The following PRDM2 variants were observed in gnomAD, a reference collection of about 807,000 sequenced individuals.
PRDM2 encodes PR/SET domain 2.
A neutral mutation model predicts 130.0 loss-of-function variants in PRDM2; 30 were observed. The observed-to-expected ratio is 0.23, with a 90% CI of 0.17 to 0.31. PRDM2 has a LOEUF of 0.31. PRDM2 is among the 10% of genes least tolerant of loss of function. The pLI is 1.00. For missense variants in PRDM2, 2,011 were observed against 2,108.4 expected (o/e 0.95, Z 0.90); for synonymous variants, 871 against 782.4 (o/e 1.11, Z -1.89).
At chr1:13,722,499 C>G (rs1192524899) in intron 2 of PRDM2, among the ~76,000 whole-genome samples, 2 of 152,030 alleles carry the variant, frequency 1.3e-5, no homozygotes, top group East Asian at 3.9e-4. Context: ...GTGATTTCTT[C>G]CAATAGAATT....
chr1:13,824,356 T>C lies in PRDM2; in HGVS notation c.*1221T>C, dbSNP rs1195543597. 6.6e-6 allele frequency: 1 copy of C among 152,562 alleles called. No homozygotes were observed. Among genetic ancestry groups the C allele is most frequent in the Non-Finnish European group, 1.5e-5 (1 of 68,020 alleles). The allele number at this position is 152,562 out of a possible 1,614,324, so 9.5% of individuals were successfully genotyped here. On this transcript the variant is annotated 3_prime_UTR_variant, in exon 10 of 10. Coordinates refer to ENST00000311066, the MANE Select transcript of PRDM2 (RefSeq NM_001393986.1). ...ATAAAGGGATTTTTTTTTTCAGGGC[T>C]ACTACGGTTGATCTTGCAACTCTGT...
At chr1:13,767,940 C>T (rs887725078) in intron 6 of PRDM2, among the ~76,000 whole-genome samples, 1 of 152,102 alleles carries the variant, frequency 6.6e-6, no homozygotes, top group Non-Finnish European at 1.5e-5. Context: ...CATGCCATCG[C>T]ACTCTAGCCT....
Position 13,780,646 on chromosome 1 carries a change from C to G in PRDM2, c.2851C>G (p.Leu951Val). 1 of 1,613,354 alleles carries G rather than the reference C, an allele frequency of 6.2e-7. No homozygotes were observed. The change falls in exon 8 of 10, where the codon CTG (leucine) becomes GTG (valine). Residue 951 changes from leucine to valine, a missense_variant. Physicochemically the swap from Leu to Val is conservative, Grantham distance 32 (BLOSUM62 1). This residue lies in a region of PRDM2 where 1,288 missense variants were observed against 1,237.7 expected (regional missense o/e 1.04). Coordinates refer to ENST00000311066, the MANE Select transcript of PRDM2 (RefSeq NM_001393986.1). Reference protein sequence around the residue: ...TPDVCPSSPALQTPSLSSGQL... With the variant: ...TPDVCPSSPAVQTPSLSSGQL... The stretch of plus-strand genomic sequence containing the variant: ...TGATGTTTGTCCTTCATCACCTGCC[C>G]TGCAGACACCCTCCCTTTCATCCGG...
intron 8 of PRDM2, chr1:13,786,742 G>T (rs992573521): frequency 2.1e-6 from 3 of 1,402,468 alleles, no homozygotes; most frequent in Non-Finnish European, 1.9e-6. Context: ...GGGCGCCCGG[G>T]TGATTGAGAT....
intron 6 of PRDM2, among the ~76,000 whole-genome samples, chr1:13,763,739 A>AT (rs746567374): frequency 6.6e-6 from 1 of 152,082 alleles, no homozygotes; most frequent in African/African-American, 2.4e-5. Flanking sequence ...TCATGTATTC[A>AT]TTTTTTTGTG....
intron 7 of PRDM2, among the ~76,000 whole-genome samples, chr1:13,777,641 C>G (rs1170959594): frequency 1.5e-5 from 1 of 65,748 alleles, no homozygotes; most frequent in South Asian, 1.2e-3. Flanking sequence ...TCCCACCCCC[C>G]CCCCCAATAT....
chr1:13,798,291 T>C (rs1570078410), intron 8 of PRDM2, among the ~76,000 whole-genome samples: 3 of 152,310 alleles, frequency 2.0e-5, no homozygotes, highest in Non-Finnish European at 4.4e-5. Flanking sequence ...TGGTTTAAAA[T>C]GTGAATGTTG....
intron 8 of PRDM2, among the ~76,000 whole-genome samples, chr1:13,808,389 G>A (rs189903400): frequency 1.3e-5 from 2 of 151,566 alleles, no homozygotes; most frequent in Non-Finnish European, 2.9e-5. Flanking sequence ...GCGTGAACAC[G>A]GGAGGTGGAG....
At chr1:13,790,277 C>T (rs776081466) in intron 8 of PRDM2, among the ~76,000 whole-genome samples, 3 of 152,186 alleles carry the variant, frequency 2.0e-5, no homozygotes, top group South Asian at 2.1e-4. Context: ...CTTTAGGCCT[C>T]GCAGTGCTGC....
chr1:13,806,268 C>T lies in PRDM2; in HGVS notation c.5037-10159C>T, dbSNP rs1012760072. On this transcript the variant is annotated intron_variant, in intron 8 of 9. Transcript: ENST00000311066. This position sits in a 1 kb window ranked among gnomAD's most constrained non-coding sequence, Gnocchi z 4.1. The stretch of plus-strand genomic sequence containing the variant: ...CATCCCTGGGCTCTGTCCCCCGCAT[C>T]CCGCCTCCATCCCTGGGCTCTGTCC... Among the ~76,000 whole-genome samples the T allele has an allele frequency of 6.6e-6, 1 of 152,076 alleles. No individual in the cohort carries two copies. Among genetic ancestry groups the T allele is most frequent in the Admixed American group, 6.5e-5 (1 of 15,278 alleles).
At chr1:13,703,581 T>A (rs1642127504) in intron 1 of PRDM2, among the ~76,000 whole-genome samples, 1 of 152,244 alleles carries the variant, frequency 6.6e-6, no homozygotes. Context: ...TGCTTCGGCA[T>A]CAGTTTTGTG....
Position 13,814,282 on chromosome 1 carries a change from T to C in PRDM2, c.5037-2145T>C, listed in dbSNP as rs547828800. ...GAAGCATGGGTCCTCCGTTTCCTCC[T>C]TAACTCTTGCACAGGCGAGTAGACT... is the stretch of plus-strand genomic sequence containing the variant. On this transcript the variant is annotated intron_variant, in intron 8 of 9. Coordinates refer to ENST00000311066, the MANE Select transcript of PRDM2 (RefSeq NM_001393986.1). Among the ~76,000 whole-genome samples, 27 of 152,302 alleles carry C rather than the reference T, an allele frequency of 1.8e-4. No individual in the cohort carries two copies. In the South Asian group the frequency reaches 5.2e-3, roughly 29 times the overall value.
chr1:13,769,611 A>G (rs996775073), intron 6 of PRDM2, among the ~76,000 whole-genome samples: 2 of 152,222 alleles, frequency 1.3e-5, no homozygotes, highest in African/African-American at 2.4e-5. Context: ...GAAGATTGAG[A>G]ACATTGTTCC....
At chr1:13,762,761 C>T (rs888060700) in intron 6 of PRDM2, among the ~76,000 whole-genome samples, 3 of 152,232 alleles carry the variant, frequency 2.0e-5, no homozygotes, top group Non-Finnish European at 4.4e-5. Flanking sequence ...GTCCACAGCG[C>T]GCGCTCCTCA....
chr1:13,748,146 T>TGC (rs1643671618), intron 5 of PRDM2, among the ~76,000 whole-genome samples: 1 of 152,264 alleles, frequency 6.6e-6, no homozygotes, highest in Non-Finnish European at 1.5e-5. Flanking sequence ...CTGTTTTCTG[T>TGC]GCATCGTATC....
Position 13,720,646 on chromosome 1 carries a change from C to T in PRDM2, c.9+5032C>T, listed in dbSNP as rs1314572710. Among the ~76,000 whole-genome samples, 8 of 152,158 alleles carry T rather than the reference C, an allele frequency of 5.3e-5. No individual in the cohort carries two copies. The South Asian group carries it at 6.2e-4, about 12-fold the overall frequency. On this transcript the variant is annotated intron_variant, in intron 2 of 9. Transcript: ENST00000311066. ...ATAATAATAAAAAATAGTAACTTAC[C>T]GTGTTTCATATATGTCAGGCACTAG...
Position 13,736,233 on chromosome 1 carries a change from C to A in PRDM2, c.231+3351C>A, listed in dbSNP as rs565521866. On this transcript the variant is annotated intron_variant, in intron 4 of 9. Coordinates refer to ENST00000311066, the MANE Select transcript of PRDM2 (RefSeq NM_001393986.1). ...AAGTGATCTTCCTGCCTCAGCCTCC[C>A]GAGTAGCTGGGACAGGCCTGTGCCA... Among the ~76,000 whole-genome samples the A allele has an allele frequency of 9.9e-4, 150 of 151,954 alleles. 1 individual carries two copies. Among genetic ancestry groups the A allele is most frequent in the African/African-American group, 3.5e-3 (147 of 41,416 alleles).
rs1481721904 is a variant in PRDM2 at position 13,782,749 on chromosome 1, A to C, written c.4954A>C (p.Ser1652Arg). The C allele has an allele frequency of 6.2e-7, 1 of 1,613,012 alleles. No individual in the cohort carries two copies. The highest frequency in any genetic ancestry group is 8.5e-7 in the Non-Finnish European group (1 of 1,179,632). ...GCGGAGTGGGGGGCCAGTCACCCGG[A>C]GCCTTCAGCTGGCAGCTGCTGCTGA... ...RERSGGPVTR[S>R]LQLAAAADLS... The change falls in exon 8 of 10, where the codon AGC becomes CGC. Residue 1652 changes from serine to arginine, a missense_variant. Ser to Arg is a moderately radical substitution (Grantham distance 110). Around this residue, in one of 5 missense-constraint regions of PRDM2, gnomAD observed 410 missense variants for 395.9 expected, o/e 1.04. Transcript: ENST00000311066.
At chr1:13,798,972 G>C (rs1644964408) in intron 8 of PRDM2, among the ~76,000 whole-genome samples, 1 of 152,178 alleles carries the variant, frequency 6.6e-6, no homozygotes. Flanking sequence ...ACACAGTATC[G>C]CTTGCCTTGG....
Sources: allele counts gnomAD v4.1 joint callset (sites outside exome capture counted in the v4.1 genomes callset), GRCh38; gene constraint gnomAD v4.1.1; regional missense constraint gnomAD v4.1.1; non-coding constraint Gnocchi (gnomAD v3.1); transcripts MANE v1.5; gene names NCBI Gene and HGNC (gene_info 2026-07-23, HGNC 2026-07-21).